EPSTI1: variants seen among roughly 807,000 people sequenced by gnomAD.
The protein encoded by EPSTI1 is epithelial stromal interaction 1, also known as epithelial-stromal interaction protein 1.
A neutral mutation model predicts 49.9 loss-of-function variants in EPSTI1; 66 were observed. The observed-to-expected ratio is 1.32, with a 90% CI of 1.08 to 1.62. The LOEUF is 1.62. Ranked by LOEUF, EPSTI1 falls within the 40% of genes most tolerant of loss-of-function variation. The pLI is 0.00. For missense variants in EPSTI1, 394 were observed against 365.5 expected (o/e 1.08, Z -0.64); for synonymous variants, 137 against 130.7 (o/e 1.05, Z -0.33).
Position 42,888,099 on chromosome 13 carries a change from C to T in EPSTI1, c.*395G>A. ...TAGGGATTAAAATCTAAAAAGACCC[C>T]CAAAGCTTTCAAAACCTGATCTGAG... On this transcript the variant is annotated 3_prime_UTR_variant, in exon 11 of 11. Coordinates refer to ENST00000313624, the MANE Select transcript of EPSTI1 (RefSeq NM_033255.5). The T allele has an allele frequency of 1.2e-6, 1 of 847,550 alleles. No homozygotes were observed. Among genetic ancestry groups the T allele is most frequent in the Non-Finnish European group, 1.7e-6 (1 of 577,652 alleles). The allele number at this position is 847,550 out of a possible 1,614,324, so 52.5% of individuals were successfully genotyped here.
chr13:42,919,003 G>A lies in EPSTI1; in HGVS notation c.658-1379C>T, dbSNP rs148397897. ...AGGAAGGAAAGGAGAGAAGAAGAAA[G>A]GAAAGAAGACAGCTTCTACTCAAGA... On this transcript the variant is annotated intron_variant, in intron 7 of 10. Coordinates refer to ENST00000313624, the MANE Select transcript of EPSTI1 (RefSeq NM_033255.5). 2.4e-3 allele frequency among the ~76,000 whole-genome samples: 370 copies of A among 152,028 alleles called. 1 individual carries two copies. The highest frequency in any genetic ancestry group is 8.6e-3 in the African/African-American group (355 of 41,470).
chr13:42,961,211 T>G (rs1400163129), intron 5 of EPSTI1, among the ~76,000 whole-genome samples: 1 of 152,160 alleles, frequency 6.6e-6, no homozygotes, highest in Non-Finnish European at 1.5e-5. Context: ...TAAGCAGTGG[T>G]GTGCTGGTCA....
chr13:42,986,732 A>G (rs4942186), intron 1 of EPSTI1, among the ~76,000 whole-genome samples: 133,521 of 133,724 alleles, frequency 1, 66,659 homozygotes, highest in Middle Eastern at 1. Context: ...GTGACACAGC[A>G]AGATTCCATC....
intron 8 of EPSTI1, among the ~76,000 whole-genome samples, chr13:42,900,871 A>G (rs141956011): frequency 1.9e-3 from 292 of 152,210 alleles, no homozygotes; most frequent in African/African-American, 6.7e-3. Context: ...GAGAGTAAGC[A>G]CTCACCTATT....
chr13:42,975,611 C>T (rs2039865606), intron 1 of EPSTI1, among the ~76,000 whole-genome samples: 1 of 152,158 alleles, frequency 6.6e-6, no homozygotes, highest in African/African-American at 2.4e-5. Context: ...ATTGTAAATT[C>T]ATGCAAACTA....
At chr13:42,970,724 A>G (rs2039746865) in intron 1 of EPSTI1, 54 bp from the exon 2 acceptor site, 3 of 1,371,218 alleles carry the variant, frequency 2.2e-6, no homozygotes, top group Non-Finnish European at 3.0e-6. Flanking sequence ...ACCAATGCAT[A>G]TAAGCCACCA....
At chr13:42,949,617 AAGAG>A (rs1196715608) in intron 6 of EPSTI1, among the ~76,000 whole-genome samples, 1 of 151,928 alleles carries the variant, frequency 6.6e-6, no homozygotes. Flanking sequence ...AAGAAAAGAA[AAGAG>A]AGACTTTTCT....
At chr13:42,965,249 G>A (rs564850993) in intron 3 of EPSTI1, among the ~76,000 whole-genome samples, 28 of 152,282 alleles carry the variant, frequency 1.8e-4, no homozygotes, top group African/African-American at 6.5e-4. Flanking sequence ...AGAGCCAGAT[G>A]TCTAAGCATT....
intron 6 of EPSTI1, among the ~76,000 whole-genome samples, chr13:42,935,167 C>T (rs2038517174): frequency 6.6e-6 from 1 of 152,208 alleles, no homozygotes; most frequent in South Asian, 2.1e-4. Context: ...TTCTGTCATT[C>T]CATGTTCTTC....
chr13:42,888,626 A>AAATT (rs2036935565), intron 10 of EPSTI1, 124 bp from the exon 11 acceptor site: 2 of 976,538 alleles, frequency 2.0e-6, no homozygotes, highest in Non-Finnish European at 3.0e-6. Flanking sequence ...CCATTTTTTA[A>AAATT]AATTAACAAC....
At chr13:42,899,413 C>A (rs1000978935) in intron 9 of EPSTI1, among the ~76,000 whole-genome samples, 13 of 152,098 alleles carry the variant, frequency 8.5e-5, no homozygotes, top group African/African-American at 3.1e-4. Context: ...TTTGACTGGA[C>A]TCTGGGGACA....
chr13:42,943,285 T>C (rs1032089008), intron 6 of EPSTI1, among the ~76,000 whole-genome samples: 2 of 152,158 alleles, frequency 1.3e-5, no homozygotes, highest in Non-Finnish European at 1.5e-5. Context: ...ATCTTATGCA[T>C]CAAGAAGAGT....
At chr13:42,899,216 AAG>A (rs1297299470) in intron 9 of EPSTI1, among the ~76,000 whole-genome samples, 1 of 151,984 alleles carries the variant, frequency 6.6e-6, no homozygotes, top group Non-Finnish European at 1.5e-5. Flanking sequence ...AAAAAGAAAA[AAG>A]AGAGAAAATA....
At chr13:42,930,974 T>C (rs2038343369) in intron 6 of EPSTI1, among the ~76,000 whole-genome samples, 1 of 152,198 alleles carries the variant, frequency 6.6e-6, no homozygotes, top group Non-Finnish European at 1.5e-5. Flanking sequence ...CTAGACTACG[T>C]TTCCCAGCTC....
chr13:42,911,265 GCGCGCGCA>G (rs904624655), intron 8 of EPSTI1, among the ~76,000 whole-genome samples: 3 of 74,542 alleles, frequency 4.0e-5, no homozygotes, highest in African/African-American at 2.0e-4. Flanking sequence ...GTGTGTGTGT[GCGCGCGCA>G]CGCGCGCACA....
chr13:42,979,690 T>G (rs9567085), intron 1 of EPSTI1, among the ~76,000 whole-genome samples: 50,870 of 151,778 alleles, frequency 0.34, 8,634 homozygotes, highest in Middle Eastern at 0.5. Context: ...ATTTACCAAC[T>G]GTTAATGTTT....
chr13:42,955,984 T>G (rs370756133), intron 5 of EPSTI1, among the ~76,000 whole-genome samples: 5 of 151,970 alleles, frequency 3.3e-5, no homozygotes, highest in African/African-American at 9.7e-5. Flanking sequence ...CCATGTTAGA[T>G]GCTGGGAATA....
chr13:42,990,341 A>G (rs2040171734), intron 1 of EPSTI1, among the ~76,000 whole-genome samples: 1 of 152,166 alleles, frequency 6.6e-6, no homozygotes, highest in Non-Finnish European at 1.5e-5. Flanking sequence ...CCTCTTTCTG[A>G]GCAATTTGAT....
rs1184021280 is a variant in EPSTI1, at chr13:42,922,837, C to T, written c.657+3499G>A. Among the ~76,000 whole-genome samples, 1 of 152,230 alleles carries T rather than the reference C, an allele frequency of 6.6e-6. No homozygotes were observed. The highest frequency in any genetic ancestry group is 6.5e-5 in the Admixed American group (1 of 15,282). On this transcript the variant is annotated intron_variant, in intron 7 of 10. Coordinates refer to ENST00000313624, the MANE Select transcript of EPSTI1 (RefSeq NM_033255.5). The surrounding 1 kb of genome is among the most constrained non-coding windows in gnomAD (Gnocchi z 4.8). ...AGCTGGAGAGGCATGAGCTATAGAG[C>T]TTGGCCCCTCAGACATTAACGTGCA...
Sources: gnomAD v4.1 joint callset for allele counts (sites outside exome capture counted in the v4.1 genomes callset) on GRCh38, gnomAD v4.1.1 for gene constraint, Gnocchi (gnomAD v3.1) non-coding constraint, MANE v1.5 for transcripts, NCBI Gene and HGNC (gene_info 2026-07-23, HGNC 2026-07-21) for gene names.